The following POLR3K variants were observed in gnomAD, a reference collection of about 807,000 sequenced individuals.
The protein encoded by POLR3K is RNA polymerase III subunit K.
Under a neutral mutation model 13.5 loss-of-function variants are expected in POLR3K, and 11 were observed. The ratio of observed to expected loss-of-function variants is 0.81; its 90% CI spans 0.51 to 1.35. The LOEUF is 1.35. Among genes scored for constraint, POLR3K ranks in the 40% most tolerant of loss-of-function variants. POLR3K has a pLI of 0.00. For synonymous variants in POLR3K, 56 were observed against 51.5 expected, an observed-to-expected ratio of 1.09 and a Z score of -0.38; for missense variants, 144 against 145.3, an observed-to-expected ratio of 0.99 and a Z score of 0.05.
chr16:48,721 G>A (rs1897305190), intron 2 of POLR3K, among the ~76,000 whole-genome samples: 1 of 151,726 alleles, frequency 6.6e-6, no homozygotes, highest in Non-Finnish European at 1.5e-5. Context: ...TGAGGCAAGA[G>A]AATTGCGTGA....
At chr16:52,446 C>CAAAAAAAAAAAAAA (rs767411954) in intron 1 of POLR3K, among the ~76,000 whole-genome samples, 7 of 74,196 alleles carry the variant, frequency 9.4e-5, no homozygotes, top group Admixed American at 1.6e-4. Flanking sequence ...GACTCTGTCT[C>CAAAAAAAAAAAAAA]AAAAAAAAAA....
intron 2 of POLR3K, among the ~76,000 whole-genome samples, 187 bp from the exon 3 acceptor site, chr16:47,744 G>T (rs1446728671): frequency 1.3e-5 from 2 of 149,584 alleles, no homozygotes. Flanking sequence ...AGCCAGGCGT[G>T]GTGGCGGGCG....
intron 2 of POLR3K, among the ~76,000 whole-genome samples, chr16:49,425 T>A (rs984115084): frequency 2.6e-5 from 4 of 152,078 alleles, no homozygotes; most frequent in African/African-American, 9.7e-5. Flanking sequence ...GATTTCACTT[T>A]GAGAAACTTA....
chr16:50,589 C>A (rs1364046077), intron 2 of POLR3K, among the ~76,000 whole-genome samples: 1 of 150,922 alleles, frequency 6.6e-6, no homozygotes, highest in African/African-American at 2.4e-5. Flanking sequence ...GTAGTGTGAT[C>A]TCGGCTCACT....
At chr16:52,787 A>AAAAAAAAC (rs1897351874) in intron 1 of POLR3K, among the ~76,000 whole-genome samples, 1 of 26,038 alleles carries the variant, frequency 3.8e-5, no homozygotes, top group Non-Finnish European at 9.3e-5. Context: ...AAAAAAAAAA[A>AAAAAAAAC]AAAAAAAACA....
chr16:51,010 T>C (rs961658618), intron 2 of POLR3K, among the ~76,000 whole-genome samples: 1 of 152,118 alleles, frequency 6.6e-6, no homozygotes, highest in Non-Finnish European at 1.5e-5. Context: ...GAGAACAGCA[T>C]GGGGGGAAAC....
intron 2 of POLR3K, among the ~76,000 whole-genome samples, 178 bp from the exon 3 acceptor site, chr16:47,735 G>A (rs914239923): frequency 1.3e-5 from 2 of 149,406 alleles, no homozygotes; most frequent in Admixed American, 6.7e-5. Flanking sequence ...TACAAAATTA[G>A]CCAGGCGTGG....
rs140387802 is a variant in POLR3K, at chr16:50,115, G to A, written c.199+1443C>T. Among the ~76,000 whole-genome samples the A allele has an allele frequency of 1.6e-3, 250 of 151,960 alleles. 1 individual carries two copies. In the East Asian group the frequency reaches 0.024, roughly 14 times the overall value. ...CTGGGATTACAGGTGCTGCCACCAC[G>A]CCTGGCTAATTTTTTGTATTTTTAG... is the stretch of plus-strand genomic sequence containing the variant. On this transcript the variant is annotated intron_variant, in intron 2 of 2. Transcript: ENST00000293860.
intron 2 of POLR3K, among the ~76,000 whole-genome samples, chr16:50,347 C>T (rs929925851): frequency 6.6e-6 from 1 of 152,118 alleles, no homozygotes; most frequent in Non-Finnish European, 1.5e-5. Flanking sequence ...ACGTCTTCCC[C>T]TTTCCTCTCC....
rs547422102 is a variant in POLR3K at position 53,607 on chromosome 16, C to A, written c.-21G>T. ...AGCATGGTCTCGAACTCCGCAGGCT[C>A]CAACTCCCGGCAGCTCCCACTGCCG... On this transcript the variant is annotated 5_prime_UTR_variant, in exon 1 of 3. Coordinates refer to ENST00000293860, the MANE Select transcript of POLR3K (RefSeq NM_016310.5). 6.3e-7 allele frequency: 1 copy of A among 1,596,418 alleles called. No homozygotes were observed. The highest frequency in any genetic ancestry group is 1.3e-5 in the African/African-American group (1 of 74,420).
At position 51,653 on chromosome 16, in the gene POLR3K, AAAC is replaced by A. The variant is rs752033477; in HGVS notation, c.112-11_112-9del. 2.5e-6 allele frequency: 4 copies of A among 1,610,628 alleles called. No individual in the cohort carries two copies. Among genetic ancestry groups the A allele is most frequent in the African/African-American group, 2.7e-5 (2 of 74,986 alleles). ...GTACTTCCGATTTGTTACCTAACAAAAACAACACTTCAGACTCCAAGTAACTGA... is the reference window on the plus strand; with the variant it reads ...GTACTTCCGATTTGTTACCTAACAAAAACACTTCAGACTCCAAGTAACTGA... On this transcript the variant is annotated splice_polypyrimidine_tract_variant and intron_variant, in intron 1 of 2. Transcript: ENST00000293860.
chr16:47,678 T>A (rs1897296346), intron 2 of POLR3K, 121 bp from the exon 3 acceptor site: 9 of 982,086 alleles, frequency 9.2e-6, no homozygotes, highest in Non-Finnish European at 1.3e-5. Context: ...GGTCAGGAGT[T>A]CGAGACCATC....
chr16:53,363 G>A lies in POLR3K; in HGVS notation c.111+113C>T, dbSNP rs1897360720. 4.1e-6 allele frequency: 6 copies of A among 1,448,974 alleles called. No individual in the cohort carries two copies. The Admixed American group carries it at 1.4e-4, about 34-fold the overall frequency. 89.8% of individuals were successfully genotyped at this position (1,448,974 alleles called of 1,614,324 possible). A position where few individuals can be genotyped will look rare whatever the true frequency, so the allele number is the denominator to read the frequency against. On this transcript the variant is annotated intron_variant, in intron 1 of 2. Transcript: ENST00000293860. ...TCTGCTGCAGACCAGAAAGGGGCGC[G>A]AGAAAGAGCGGACAGAGGCAGACGC...
chr16:52,601 T>TA (rs1897346295), intron 1 of POLR3K, among the ~76,000 whole-genome samples: 1 of 147,322 alleles, frequency 6.8e-6, no homozygotes, highest in African/African-American at 2.5e-5. Flanking sequence ...CCATCTCTAC[T>TA]AAAAATACAA....
At chr16:50,321 A>G (rs1429574227) in intron 2 of POLR3K, among the ~76,000 whole-genome samples, 2 of 151,990 alleles carry the variant, frequency 1.3e-5, no homozygotes, top group Non-Finnish European at 1.5e-5. Context: ...CTCACCTCTC[A>G]ATATAACTTA....
chr16:49,990 T>C (rs1415763210), intron 2 of POLR3K, among the ~76,000 whole-genome samples: 1 of 151,092 alleles, frequency 6.6e-6, no homozygotes, highest in East Asian at 2.0e-4. Context: ...CAGAGTTTCG[T>C]TCTTGTTGCC....
intron 1 of POLR3K, among the ~76,000 whole-genome samples, chr16:52,658 T>C (rs1299770724): frequency 7.2e-6 from 1 of 139,610 alleles, no homozygotes; most frequent in African/African-American, 2.7e-5. Flanking sequence ...CCCAGCTAAT[T>C]GGGAGGCTGA....
In POLR3K at chr16:46,543, G is replaced by A. The variant is rs1897284430; in HGVS notation, c.*887C>T. On this transcript the variant is annotated 3_prime_UTR_variant, in exon 3 of 3. Coordinates refer to ENST00000293860, the MANE Select transcript of POLR3K (RefSeq NM_016310.5). ...AGTTGGAGACCAGCCCGACCAACATGGAGAAACCCCATCTCTACTAAAAAT... is the reference window on the plus strand; with the variant it reads ...AGTTGGAGACCAGCCCGACCAACATAGAGAAACCCCATCTCTACTAAAAAT... 6.6e-6 allele frequency: 1 copy of A among 152,076 alleles called. No individual in the cohort carries two copies. The highest frequency in any genetic ancestry group is 1.5e-5 in the Non-Finnish European group (1 of 68,028). The allele number at this position is 152,076 out of a possible 1,614,324, so 9.4% of individuals were successfully genotyped here. A position where few individuals can be genotyped will look rare whatever the true frequency, so the allele number is the denominator to read the frequency against.
intron 1 of POLR3K, chr16:52,111 T>C (rs2141835050): frequency 6.4e-6 from 1 of 155,826 alleles, no homozygotes; most frequent in South Asian, 1.8e-4. Context: ...CATGCAAACA[T>C]TAAGACTGAC....
Sources: allele counts gnomAD v4.1 joint callset (sites outside exome capture counted in the v4.1 genomes callset), GRCh38; gene constraint gnomAD v4.1.1; transcripts MANE v1.5; gene names NCBI Gene and HGNC (gene_info 2026-07-23, HGNC 2026-07-21).